The following SHTN1 variants were observed in gnomAD, a reference collection of about 807,000 sequenced individuals.
SHTN1 encodes the protein shootin-1.
Under a neutral mutation model 83.1 loss-of-function variants are expected in SHTN1, and 42 were observed. The observed-to-expected ratio is 0.51, with a 90% CI of 0.39 to 0.65. The LOEUF (loss-of-function observed/expected upper bound fraction) is 0.65. SHTN1 is among the 30% of genes least tolerant of loss of function. SHTN1 has a pLI of 0.00. For missense variants in SHTN1, 622 were observed against 737.8 expected, an observed-to-expected ratio of 0.84 and a Z score of 1.82; for synonymous variants, 224 against 247.7, an observed-to-expected ratio of 0.90 and a Z score of 0.90.
chr10:117,084,934 T>G (rs1208125474), intron 1 of SHTN1, among the ~76,000 whole-genome samples: 1 of 152,136 alleles, frequency 6.6e-6, no homozygotes, highest in East Asian at 1.9e-4. Context: ...GCGCCCACTG[T>G]CTGGCACTCC....
intron 14 of SHTN1, among the ~76,000 whole-genome samples, chr10:116,910,146 G>A (rs1226700935): frequency 1.3e-5 from 2 of 152,162 alleles, no homozygotes; most frequent in African/African-American, 4.8e-5. Flanking sequence ...CCAGGTGACA[G>A]GGAATTACAA....
intron 2 of SHTN1, among the ~76,000 whole-genome samples, chr10:117,040,989 G>A (rs911858353): frequency 6.6e-6 from 1 of 151,458 alleles, no homozygotes; most frequent in Non-Finnish European, 1.5e-5. Context: ...AGGTACATAT[G>A]CACAACGTGC....
At chr10:117,109,871 C>T (rs1446808658) in intron 1 of SHTN1, among the ~76,000 whole-genome samples, 1 of 151,962 alleles carries the variant, frequency 6.6e-6, no homozygotes, top group Non-Finnish European at 1.5e-5. Context: ...CAAAAATAAA[C>T]ACAACTAAAT....
At chr10:117,023,296 C>T (rs1158543497) in intron 2 of SHTN1, among the ~76,000 whole-genome samples, 1 of 152,164 alleles carries the variant, frequency 6.6e-6, no homozygotes, top group Non-Finnish European at 1.5e-5. Context: ...GTTTTCTCCT[C>T]AACTATCATT....
At chr10:116,920,396 T>C (rs972703023) in intron 12 of SHTN1, among the ~76,000 whole-genome samples, 2 of 152,182 alleles carry the variant, frequency 1.3e-5, no homozygotes, top group Non-Finnish European at 2.9e-5. Context: ...CAGTCCCATC[T>C]CATCATTGTC....
intron 2 of SHTN1, among the ~76,000 whole-genome samples, chr10:117,021,512 T>C (rs932733916): frequency 9.9e-5 from 15 of 152,222 alleles, no homozygotes; most frequent in African/African-American, 3.6e-4. Flanking sequence ...GAAATTTTCA[T>C]ACCATAAAAT....
intron 1 of SHTN1, among the ~76,000 whole-genome samples, chr10:117,057,297 C>T (rs1298955934): frequency 6.6e-6 from 1 of 152,116 alleles, no homozygotes; most frequent in Non-Finnish European, 1.5e-5. Context: ...AGCTATCCAT[C>T]CCCCACCCCA....
chr10:117,060,720 C>A (rs1852886315), intron 1 of SHTN1, among the ~76,000 whole-genome samples: 1 of 152,146 alleles, frequency 6.6e-6, no homozygotes, highest in South Asian at 2.1e-4. Context: ...AAATTTCAAC[C>A]AGATGATACT....
At chr10:116,926,118 C>A (rs533245506) in intron 11 of SHTN1, among the ~76,000 whole-genome samples, 2 of 152,240 alleles carry the variant, frequency 1.3e-5, no homozygotes, top group South Asian at 4.1e-4. Flanking sequence ...AGAGTTCACA[C>A]TTGAGACACA....
chr10:116,938,353 T>C (rs1241991871), intron 9 of SHTN1, among the ~76,000 whole-genome samples: 2 of 152,190 alleles, frequency 1.3e-5, no homozygotes, highest in East Asian at 1.9e-4. Context: ...GGTTTTTGCA[T>C]GGATGTCCTT....
intron 1 of SHTN1, among the ~76,000 whole-genome samples, chr10:117,087,110 AG>A (rs1343041102): frequency 6.6e-6 from 1 of 152,214 alleles, no homozygotes; most frequent in Non-Finnish European, 1.5e-5. Flanking sequence ...GTCTGGATAG[AG>A]GAAGAAATAG....
intron 9 of SHTN1, among the ~76,000 whole-genome samples, chr10:116,938,695 C>T (rs566685231): frequency 3.3e-5 from 5 of 152,322 alleles, no homozygotes; most frequent in South Asian, 2.1e-4. Context: ...TCAAGCGCTG[C>T]GCTGGGAAAT....
Position 116,977,096 on chromosome 10 carries a change from T to C in SHTN1, c.111+2160A>G, listed in dbSNP as rs1850833805. 2.0e-5 allele frequency among the ~76,000 whole-genome samples: 3 copies of C among 152,230 alleles called. No homozygotes were observed. In the South Asian group the frequency reaches 6.2e-4, roughly 31 times the overall value. The stretch of plus-strand genomic sequence containing the variant: ...TTCACTTAAAACCTCACTGAGAAAG[T>C]GTCTGTCAGTTAAACAACTATCATC... On this transcript the variant is annotated intron_variant, in intron 2 of 16. Coordinates refer to ENST00000355371, the MANE Select transcript of SHTN1 (RefSeq NM_001127211.3).
intron 3 of SHTN1, 21 bp from the exon 4 acceptor site, chr10:116,960,251 A>C: frequency 2.2e-6 from 3 of 1,339,980 alleles, no homozygotes; most frequent in Non-Finnish European, 3.2e-6. Context: ...GGGGGAAAAA[A>C]AATCTCAGCA....
At chr10:116,922,213 A>G (rs1848591742) in intron 11 of SHTN1, among the ~76,000 whole-genome samples, 1 of 152,200 alleles carries the variant, frequency 6.6e-6, no homozygotes, top group African/African-American at 2.4e-5. Context: ...TACATATACA[A>G]AAGAGGTACT....
intron 1 of SHTN1, among the ~76,000 whole-genome samples, chr10:117,091,044 T>A (rs1853424333): frequency 6.6e-6 from 1 of 152,184 alleles, no homozygotes; most frequent in Non-Finnish European, 1.5e-5. Flanking sequence ...TAAATTATCC[T>A]CTGGAAGAGA....
intron 16 of SHTN1, among the ~76,000 whole-genome samples, chr10:116,899,255 T>C (rs2133318733): frequency 6.6e-6 from 1 of 152,184 alleles, no homozygotes; most frequent in Middle Eastern, 3.4e-3. Flanking sequence ...TGATAACTGC[T>C]CTAGGGAGAA....
In SHTN1 at chr10:116,906,867, A is replaced by T. The variant is rs1384434365; in HGVS notation, c.1360-120T>A. On this transcript the variant is annotated intron_variant, in intron 14 of 16. Coordinates refer to ENST00000355371, the MANE Select transcript of SHTN1 (RefSeq NM_001127211.3). ...TTGAATGGAATTATGAAACAAAATGAATTTGCTATATATTAATATTTTTTA... is the reference window on the plus strand; with the variant it reads ...TTGAATGGAATTATGAAACAAAATGTATTTGCTATATATTAATATTTTTTA... The T allele has an allele frequency of 5.2e-6, 4 of 775,716 alleles. No homozygotes were observed. The Admixed American group carries it at 1.4e-4, about 27-fold the overall frequency. The allele number at this position is 775,716 out of a possible 1,614,324, so 48.1% of individuals were successfully genotyped here.
At chr10:117,097,767 T>G (rs1358261570) in intron 1 of SHTN1, among the ~76,000 whole-genome samples, 1 of 152,240 alleles carries the variant, frequency 6.6e-6, no homozygotes, top group Non-Finnish European at 1.5e-5. Context: ...CATTACATCT[T>G]TAACACCATA....
Sources: gnomAD v4.1 joint callset for allele counts (sites outside exome capture counted in the v4.1 genomes callset) on GRCh38, gnomAD v4.1.1 for gene constraint, MANE v1.5 for transcripts, NCBI Gene and HGNC (gene_info 2026-07-23, HGNC 2026-07-21) for gene names.